GMEB2: variants seen among roughly 807,000 people sequenced by gnomAD.
GMEB2 encodes glucocorticoid modulatory element-binding protein 2.
A neutral mutation model predicts 45.7 loss-of-function variants in GMEB2; 7 were observed. The observed-to-expected ratio is 0.15, with a 90% CI of 0.09 to 0.29. The LOEUF (loss-of-function observed/expected upper bound fraction) is 0.29. Among genes scored for constraint, GMEB2 ranks in the 10% least tolerant of loss-of-function variants. The pLI, the probability that GMEB2 is intolerant of heterozygous loss-of-function variation, is 1.00. For missense variants in GMEB2, 582 were observed against 739.2 expected (o/e 0.79, Z 2.47); for synonymous variants, 322 against 323.6 (o/e 1.00, Z 0.05).
At chr20:63,616,669 A>G (rs1380086959) in intron 2 of GMEB2, among the ~76,000 whole-genome samples, 1 of 152,198 alleles carries the variant, frequency 6.6e-6, no homozygotes. Flanking sequence ...GGCGTGGCAC[A>G]TCAACTACCT....
chr20:63,591,653 T>C (rs770133779), intron 9 of GMEB2, among the ~76,000 whole-genome samples: 1 of 152,078 alleles, frequency 6.6e-6, no homozygotes, highest in Admixed American at 6.5e-5. Context: ...TCAGCAGAGA[T>C]GGGGTTTCAC....
At chr20:63,614,374 T>G (rs953721354) in intron 2 of GMEB2, among the ~76,000 whole-genome samples, 2 of 152,220 alleles carry the variant, frequency 1.3e-5, no homozygotes, top group African/African-American at 4.8e-5. Context: ...AGCCTTCTGT[T>G]ATGCCTGGAC....
intron 1 of GMEB2, among the ~76,000 whole-genome samples, chr20:63,623,691 G>A (rs1189855035): frequency 1.3e-5 from 2 of 152,060 alleles, no homozygotes; most frequent in African/African-American, 4.8e-5. Context: ...TCAGCTACTT[G>A]GGAGGCTGAG....
rs1021421241 is a variant in GMEB2, at chr20:63,611,781, G to A, written c.132-6941C>T. 2.0e-5 allele frequency among the ~76,000 whole-genome samples: 3 copies of A among 152,108 alleles called. No individual in the cohort carries two copies. The South Asian group carries it at 6.2e-4, about 31-fold the overall frequency. On this transcript the variant is annotated intron_variant, in intron 2 of 9. Coordinates refer to ENST00000370077, the MANE Select transcript of GMEB2 (RefSeq NM_012384.5). Reference sequence around the variant, plus strand: ...GCCTGTAACCCCAGTGCTTCGGGAGGCTGAGGTGGGAGGACTGCTTGAGTC... The same window carrying A: ...GCCTGTAACCCCAGTGCTTCGGGAGACTGAGGTGGGAGGACTGCTTGAGTC...
At chr20:63,606,637 G>A (rs1366177282) in intron 2 of GMEB2, among the ~76,000 whole-genome samples, 5 of 152,152 alleles carry the variant, frequency 3.3e-5, no homozygotes, top group African/African-American at 7.2e-5. Context: ...ATGAGCCACT[G>A]CGCCCAGCCA....
At position 63,603,217 on chromosome 20, in the gene GMEB2, G is replaced by C. The variant is rs1035927082; in HGVS notation, c.230-125C>G. On this transcript the variant is annotated intron_variant, in intron 3 of 9. Transcript: ENST00000370077. ...GAAACCAAAAATTAAAATCCAGGAA[G>C]GCCTGAGATAGAGCCAAGGTGGGCA... 1.9e-5 allele frequency: 21 copies of C among 1,093,250 alleles called. No individual in the cohort carries two copies. In the Admixed American group the frequency reaches 2.8e-4, roughly 15 times the overall value. 67.7% of individuals were successfully genotyped at this position (1,093,250 alleles called of 1,614,324 possible). A position where few individuals can be genotyped will look rare whatever the true frequency, so the allele number is the denominator to read the frequency against.
chr20:63,616,598 G>A (rs1043593359), intron 2 of GMEB2, among the ~76,000 whole-genome samples: 3 of 152,264 alleles, frequency 2.0e-5, no homozygotes, highest in Non-Finnish European at 4.4e-5. Context: ...ACTGAGAGGC[G>A]GAGGCTGGCC....
At position 63,624,347 on chromosome 20, in the gene GMEB2, C is replaced by T. The variant is rs540102780; in HGVS notation, c.-58+2609G>A. Among the ~76,000 whole-genome samples the T allele has an allele frequency of 1.9e-4, 28 of 150,622 alleles. No homozygotes were observed. In the South Asian group the frequency reaches 5.0e-3, roughly 27 times the overall value. On this transcript the variant is annotated intron_variant, in intron 1 of 9. Transcript: ENST00000370077. ...GGGAGGCTGAGGCAGGAGAATCTCT[C>T]GAACTCCGGAGGCAGAGGTTGCAGC... is the stretch of plus-strand genomic sequence containing the variant.
At chr20:63,621,114 T>C (rs1320623075) in intron 1 of GMEB2, among the ~76,000 whole-genome samples, 1 of 152,172 alleles carries the variant, frequency 6.6e-6, no homozygotes, top group African/African-American at 2.4e-5. Context: ...GGAGGATCGT[T>C]TGAGCCTAGG....
intron 5 of GMEB2, among the ~76,000 whole-genome samples, chr20:63,596,682 G>T (rs975881920): frequency 2.0e-5 from 3 of 152,236 alleles, no homozygotes; most frequent in African/African-American, 7.2e-5. Context: ...AAGCAAGGTA[G>T]AGGCCAGGCC....
chr20:63,614,413 C>T (rs931195947), intron 2 of GMEB2, among the ~76,000 whole-genome samples: 2 of 152,192 alleles, frequency 1.3e-5, no homozygotes, highest in Admixed American at 6.5e-5. Flanking sequence ...CTTGGTCTAG[C>T]GGTAACGCCA....
intron 4 of GMEB2, among the ~76,000 whole-genome samples, chr20:63,602,457 G>C (rs952888653): frequency 3.9e-5 from 6 of 152,222 alleles, no homozygotes; most frequent in African/African-American, 1.4e-4. Flanking sequence ...CAGGGCAAAA[G>C]CTGGGCTTGG....
At chr20:63,597,561 A>G (rs184277806) in intron 5 of GMEB2, among the ~76,000 whole-genome samples, 196 bp downstream of exon 5, 33 of 152,338 alleles carry the variant, frequency 2.2e-4, no homozygotes, top group African/African-American at 7.5e-4. Flanking sequence ...AAAATCTGAT[A>G]GTGTCCCTGT....
At chr20:63,624,861 C>T (rs1296119640) in intron 1 of GMEB2, among the ~76,000 whole-genome samples, 1 of 151,944 alleles carries the variant, frequency 6.6e-6, no homozygotes, top group Non-Finnish European at 1.5e-5. Flanking sequence ...GCGCCCACCA[C>T]CACGCCCGGC....
At chr20:63,599,933 G>A (rs542126287) in intron 4 of GMEB2, among the ~76,000 whole-genome samples, 2 of 152,060 alleles carry the variant, frequency 1.3e-5, no homozygotes, top group East Asian at 1.9e-4. Context: ...CTTCTCTTAC[G>A]CAGCCACAGA....
Position 63,604,723 on chromosome 20 carries a change from C to G in GMEB2, c.229+20G>C, listed in dbSNP as rs77922905. The G allele has an allele frequency of 7.0e-7, 1 of 1,425,182 alleles. No homozygotes were observed. Among genetic ancestry groups the G allele is most frequent in the South Asian group, 1.1e-5 (1 of 87,538 alleles). The allele number at this position is 1,425,182 out of a possible 1,614,324, so 88.3% of individuals were successfully genotyped here. On this transcript the variant is annotated intron_variant, in intron 3 of 9. Coordinates refer to ENST00000370077, the MANE Select transcript of GMEB2 (RefSeq NM_012384.5). ...TGCTGCGGCAAGAAGGCAGACTTCC[C>G]ACCTAGGACGGCTTCCTACCTAACA...
intron 6 of GMEB2, among the ~76,000 whole-genome samples, chr20:63,595,286 G>A (rs1382700321): frequency 6.7e-6 from 1 of 149,952 alleles, no homozygotes; most frequent in African/African-American, 2.4e-5. Flanking sequence ...GTGGGGGTGG[G>A]AGGGAGGGGG....
At chr20:63,616,551 G>A (rs1465595841) in intron 2 of GMEB2, among the ~76,000 whole-genome samples, 1 of 152,278 alleles carries the variant, frequency 6.6e-6, no homozygotes, top group African/African-American at 2.4e-5. Flanking sequence ...CGAGGAGCAG[G>A]AGGGTGCGCG....
chr20:63,604,899 G>A, intron 2 of GMEB2, 59 bp from the exon 3 acceptor site: 2 of 951,762 alleles, frequency 2.1e-6, no homozygotes, highest in South Asian at 1.3e-5. Flanking sequence ...CAACCTGCAG[G>A]GCACTATTTT....
Sources: gnomAD v4.1 joint callset for allele counts (sites outside exome capture counted in the v4.1 genomes callset) on GRCh38, gnomAD v4.1.1 for gene constraint, MANE v1.5 for transcripts, NCBI Gene and HGNC (gene_info 2026-07-23, HGNC 2026-07-21) for gene names.